Variants in PRKCE observed in about 807,000 individuals in gnomAD.
PRKCE encodes the protein protein kinase C epsilon.
A neutral mutation model predicts 85.4 loss-of-function variants in PRKCE; 16 were observed. The ratio of observed to expected loss-of-function variants is 0.19; its 90% confidence interval spans 0.13 to 0.28. PRKCE has a LOEUF of 0.28. Among genes scored for constraint, PRKCE ranks in the 10% least tolerant of loss-of-function variants. The pLI is 1.00. For missense variants in PRKCE, 573 were observed against 975.2 expected, an observed-to-expected ratio of 0.59 and a Z score of 5.49; for synonymous variants, 388 against 371.5, an observed-to-expected ratio of 1.04 and a Z score of -0.51.
At chr2:46,093,201 G>T (rs1019725865) in intron 11 of PRKCE, among the ~76,000 whole-genome samples, 1 of 152,182 alleles carries the variant, frequency 6.6e-6, no homozygotes, top group Non-Finnish European at 1.5e-5. Flanking sequence ...TGGCAGAAAT[G>T]ATGAGTTAAA....
chr2:46,047,537 G>GT (rs1708601536), intron 10 of PRKCE, among the ~76,000 whole-genome samples: 1 of 152,198 alleles, frequency 6.6e-6, no homozygotes, highest in Non-Finnish European at 1.5e-5. Context: ...GGCACATCCT[G>GT]TGTAACTTGA....
At chr2:46,094,807 T>TA (rs70937986) in intron 11 of PRKCE, among the ~76,000 whole-genome samples, 24 of 146,658 alleles carry the variant, frequency 1.6e-4, no homozygotes, top group South Asian at 6.5e-4. Flanking sequence ...AAGTTGAAGT[T>TA]AAAAAAAAAA....
chr2:46,086,477 GTTGT>G (rs1669649859), intron 11 of PRKCE, 115 bp downstream of exon 11: 1 of 1,283,450 alleles, frequency 7.8e-7, no homozygotes, highest in Admixed American at 2.5e-5. Flanking sequence ...CTTTAGATTA[GTTGT>G]TTGTTCCAAT....
chr2:45,830,357 G>C (rs1690320724), intron 1 of PRKCE, among the ~76,000 whole-genome samples: 1 of 151,970 alleles, frequency 6.6e-6, no homozygotes, highest in Non-Finnish European at 1.5e-5. Flanking sequence ...CATGAGAAAG[G>C]CATTATGAAT....
At position 45,752,256 on chromosome 2, in the gene PRKCE, A is replaced by G. The variant is rs144703158; in HGVS notation, c.349-90744A>G. Among the ~76,000 whole-genome samples the G allele has an allele frequency of 6.0e-3, 915 of 152,346 alleles. 12 individuals carry two copies. Among genetic ancestry groups the G allele is most frequent in the African/African-American group, 0.02 (847 of 41,572 alleles). ...CTGCTATGAAGCAGATATTATCGTT[A>G]TCCCCATTTTACAGAACAGGAAACT... On this transcript the variant is annotated intron_variant, in intron 1 of 14. Transcript: ENST00000306156.
chr2:46,017,729 T>G (rs1425575414), intron 10 of PRKCE, among the ~76,000 whole-genome samples: 5 of 152,238 alleles, frequency 3.3e-5, no homozygotes, highest in Non-Finnish European at 5.9e-5. Flanking sequence ...ATTTCTTTAT[T>G]TGATAGTAGC....
chr2:45,868,199 G>T (rs1035505762), intron 2 of PRKCE, among the ~76,000 whole-genome samples: 6 of 148,500 alleles, frequency 4.0e-5, no homozygotes, highest in Admixed American at 6.9e-5. Flanking sequence ...GGTCTGGTTG[G>T]GGGGTGTAAC....
intron 1 of PRKCE, chr2:45,677,907 G>A: frequency 1.0e-6 from 1 of 985,322 alleles, no homozygotes; most frequent in Non-Finnish European, 1.2e-6. Context: ...TGAAGGGGTA[G>A]TGGGAACCGG....
intron 2 of PRKCE, among the ~76,000 whole-genome samples, chr2:45,859,310 A>C (rs536094790): frequency 5.9e-5 from 9 of 152,234 alleles, no homozygotes; most frequent in African/African-American, 2.2e-4. Flanking sequence ...CCTTGTATCT[A>C]TCTATAGTTT....
At chr2:45,851,978 A>T (rs1032742711) in intron 2 of PRKCE, 10 of 152,298 alleles carry the variant, frequency 6.6e-5, no homozygotes, top group East Asian at 5.8e-4. Flanking sequence ...CCCTCAGAGC[A>T]GTAACTCCAG....
chr2:45,985,770 GA>G (rs1703274283), intron 6 of PRKCE, among the ~76,000 whole-genome samples: 1 of 152,206 alleles, frequency 6.6e-6, no homozygotes, highest in Admixed American at 6.5e-5. Flanking sequence ...GGGGATACAA[GA>G]GGGAGGATAA....
intron 10 of PRKCE, among the ~76,000 whole-genome samples, chr2:46,017,425 G>A (rs1706261175): frequency 6.6e-6 from 1 of 152,180 alleles, no homozygotes; most frequent in Non-Finnish European, 1.5e-5. Flanking sequence ...TCTATCATGT[G>A]TATAATATCA....
Position 46,159,927 on chromosome 2 carries a change from C to T in PRKCE, c.2067+175C>T. ...AATGTCTTTAGGCCCCAAGTGTTTA[C>T]TATTGAAAACATGTAACCTACTACA... On this transcript the variant is annotated intron_variant, in intron 14 of 14. Transcript: ENST00000306156. The surrounding 1 kb of genome is among the most constrained non-coding windows in gnomAD (Gnocchi z 4.1). The T allele has an allele frequency of 4.3e-6, 3 of 700,258 alleles. No individual in the cohort carries two copies. Among genetic ancestry groups the T allele is most frequent in the Non-Finnish European group, 6.6e-6 (3 of 453,590 alleles). 43.4% of individuals were successfully genotyped at this position (700,258 alleles called of 1,614,324 possible).
chr2:45,895,258 G>T lies in PRKCE; in HGVS notation c.412+52195G>T, dbSNP rs180709001. Reference sequence around the variant, plus strand: ...TTCTCACTTCTGGCCACTGTCGGTTGTAGAGGTGCCCCTTCAGTACACACA... The same window carrying T: ...TTCTCACTTCTGGCCACTGTCGGTTTTAGAGGTGCCCCTTCAGTACACACA... On this transcript the variant is annotated intron_variant, in intron 2 of 14. Transcript: ENST00000306156. This position sits in a 1 kb window ranked among gnomAD's most constrained non-coding sequence, Gnocchi z 4.8. Among the ~76,000 whole-genome samples the T allele has an allele frequency of 1.2e-3, 177 of 152,332 alleles. No homozygotes were observed. Among genetic ancestry groups the T allele is most frequent in the African/African-American group, 4.1e-3 (170 of 41,568 alleles).
chr2:46,163,777 G>T (rs1169743727), intron 14 of PRKCE, among the ~76,000 whole-genome samples: 1 of 142,026 alleles, frequency 7.0e-6, no homozygotes, highest in African/African-American at 2.7e-5. Flanking sequence ...GAAAGGTGAG[G>T]TGCACACCAC....
chr2:46,149,971 C>A (rs893301954), intron 12 of PRKCE, among the ~76,000 whole-genome samples: 16 of 151,860 alleles, frequency 1.1e-4, no homozygotes, highest in African/African-American at 3.9e-4. Flanking sequence ...ATTTTTCCAC[C>A]TCAGCCTTCT....
chr2:45,947,735 A>T (rs1700338704), intron 2 of PRKCE, among the ~76,000 whole-genome samples: 1 of 152,198 alleles, frequency 6.6e-6, no homozygotes, highest in Non-Finnish European at 1.5e-5. Flanking sequence ...ATTGATAGGC[A>T]CTTAGGCTTC....
At chr2:45,939,661 T>A (rs1699739752) in intron 2 of PRKCE, among the ~76,000 whole-genome samples, 1 of 152,112 alleles carries the variant, frequency 6.6e-6, no homozygotes, top group African/African-American at 2.4e-5. Context: ...TTCAAGTGAT[T>A]CTCCTGCCTC....
intron 2 of PRKCE, among the ~76,000 whole-genome samples, chr2:45,897,155 T>C (rs1696211729): frequency 6.6e-6 from 1 of 152,222 alleles, no homozygotes; most frequent in African/African-American, 2.4e-5. Context: ...TAAAACTGTA[T>C]TACACACATA....
Sources: allele counts gnomAD v4.1 joint callset (sites outside exome capture counted in the v4.1 genomes callset), GRCh38; gene constraint gnomAD v4.1.1; non-coding constraint Gnocchi (gnomAD v3.1); transcripts MANE v1.5; gene names NCBI Gene and HGNC (gene_info 2026-07-23, HGNC 2026-07-21).